BBS9: variants seen among roughly 807,000 people sequenced by gnomAD.
The protein encoded by BBS9 is protein PTHB1.
BBS9 carries 89 observed loss-of-function variants against 117.7 expected under a neutral mutation model. That is an observed-to-expected ratio of 0.76 (90% CI 0.64 to 0.90). The LOEUF (loss-of-function observed/expected upper bound fraction) is 0.90. Ranked by LOEUF, BBS9 falls within the 40% of genes least tolerant of loss-of-function variation. The probability of loss-of-function intolerance (pLI) is 0.00; values close to 1 mark genes in which losing one functional copy is unlikely to be tolerated. For missense variants in BBS9, 982 were observed against 1,042.2 expected (o/e 0.94, Z 0.80); for synonymous variants, 379 against 370.9 (o/e 1.02, Z -0.25).
chr7:33,539,865 G>A (rs542503959), intron 21 of BBS9, among the ~76,000 whole-genome samples: 5 of 152,320 alleles, frequency 3.3e-5, no homozygotes, highest in Admixed American at 6.5e-5. Flanking sequence ...CAGCCAATTC[G>A]TGTTGTATTT....
intron 5 of BBS9, among the ~76,000 whole-genome samples, chr7:33,221,111 T>C (rs1366685655): frequency 6.6e-6 from 1 of 152,238 alleles, no homozygotes; most frequent in Admixed American, 6.5e-5. Context: ...CTGGTGTCAC[T>C]TTCTCTGTGA....
intron 4 of BBS9, among the ~76,000 whole-genome samples, chr7:33,172,542 C>T (rs560687395): frequency 1.9e-4 from 29 of 152,266 alleles, no homozygotes; most frequent in African/African-American, 6.5e-4. Context: ...TGAAGCTATT[C>T]CTATTTTAGC....
intron 15 of BBS9, among the ~76,000 whole-genome samples, chr7:33,354,311 G>C (rs1819238431): frequency 6.6e-6 from 1 of 152,106 alleles, no homozygotes; most frequent in African/African-American, 2.4e-5. Flanking sequence ...TTATTGTCTT[G>C]ATCTGTTCGG....
At chr7:33,457,920 G>A (rs1584902201) in intron 19 of BBS9, among the ~76,000 whole-genome samples, 1 of 152,150 alleles carries the variant, frequency 6.6e-6, no homozygotes, top group Admixed American at 6.6e-5. Context: ...ATAAAAGTCC[G>A]AAGAGGTTAA....
intron 20 of BBS9, among the ~76,000 whole-genome samples, chr7:33,531,631 G>A (rs1029237980): frequency 2.0e-5 from 3 of 152,240 alleles, no homozygotes; most frequent in African/African-American, 7.2e-5. Flanking sequence ...TTCTGGAGGA[G>A]AGGGTACAGA....
chr7:33,460,223 A>T (rs996983752), intron 19 of BBS9, among the ~76,000 whole-genome samples: 1 of 152,112 alleles, frequency 6.6e-6, no homozygotes, highest in Non-Finnish European at 1.5e-5. Context: ...GATTTACGTT[A>T]AACTGATAGT....
intron 11 of BBS9, among the ~76,000 whole-genome samples, chr7:33,342,719 T>C (rs1374458913): frequency 6.6e-6 from 1 of 152,190 alleles, no homozygotes; most frequent in Non-Finnish European, 1.5e-5. Flanking sequence ...CGTCTTCTTA[T>C]AGCCATTTCT....
chr7:33,276,553 T>A (rs1306152037), intron 9 of BBS9, among the ~76,000 whole-genome samples: 1 of 152,084 alleles, frequency 6.6e-6, no homozygotes, highest in African/African-American at 2.4e-5. Flanking sequence ...TGTCAGATCA[T>A]TTACAGGGGG....
chr7:33,614,065 G>T (rs1288742353), intron 21 of BBS9, among the ~76,000 whole-genome samples: 1 of 152,020 alleles, frequency 6.6e-6, no homozygotes, highest in Non-Finnish European at 1.5e-5. Context: ...TGAAAAGCAT[G>T]AAAACAGAAA....
intron 4 of BBS9, among the ~76,000 whole-genome samples, chr7:33,161,169 G>A (rs34062854): frequency 0.018 from 2,696 of 151,636 alleles, 98 homozygotes; most frequent in African/African-American, 0.063. Context: ...CATGTACAAC[G>A]TGCAGGTTTG....
chr7:33,599,910 G>T (rs1241944441), intron 21 of BBS9, among the ~76,000 whole-genome samples: 3 of 152,106 alleles, frequency 2.0e-5, no homozygotes, highest in Non-Finnish European at 4.4e-5. Context: ...CTGCGCTGGT[G>T]GGAGAGAGAG....
intron 21 of BBS9, among the ~76,000 whole-genome samples, chr7:33,584,068 A>C (rs890210217): frequency 1.3e-5 from 2 of 152,030 alleles, no homozygotes; most frequent in Admixed American, 1.3e-4. Flanking sequence ...CAGAGGATAT[A>C]ATTTAATTGG....
At chr7:33,131,985 A>G (rs114607177) in intron 1 of BBS9, among the ~76,000 whole-genome samples, 2,074 of 152,326 alleles carry the variant, frequency 0.014, 58 homozygotes, top group African/African-American at 0.048. Context: ...TAAGGAGATT[A>G]TCTCCCATTT....
intron 19 of BBS9, among the ~76,000 whole-genome samples, chr7:33,392,835 T>A (rs894656901): frequency 6.6e-6 from 1 of 152,146 alleles, no homozygotes; most frequent in African/African-American, 2.4e-5. Flanking sequence ...AGATAATTTA[T>A]CTGAAAATTA....
At chr7:33,429,681 T>G (rs1834158476) in intron 19 of BBS9, among the ~76,000 whole-genome samples, 1 of 152,262 alleles carries the variant, frequency 6.6e-6, no homozygotes, top group South Asian at 2.1e-4. Context: ...TTATTTATTT[T>G]TTTCTGTAGA....
chr7:33,360,377 A>G (rs891116044), intron 16 of BBS9, among the ~76,000 whole-genome samples: 1 of 152,156 alleles, frequency 6.6e-6, no homozygotes, highest in Non-Finnish European at 1.5e-5. Context: ...AAAGGCGTCC[A>G]GTACCCCAAA....
At chr7:33,410,804 A>C (rs1483631036) in intron 19 of BBS9, among the ~76,000 whole-genome samples, 2 of 152,052 alleles carry the variant, frequency 1.3e-5, no homozygotes, top group Non-Finnish European at 2.9e-5. Context: ...AAACATGTTG[A>C]GGTTTATCCC....
intron 5 of BBS9, among the ~76,000 whole-genome samples, chr7:33,246,630 G>A (rs767004915): frequency 4.7e-4 from 72 of 151,856 alleles, no homozygotes; most frequent in Non-Finnish European, 8.8e-4. Context: ...ATGCCTCAAC[G>A]TTATACTCAT....
At chr7:33,373,381 C>T (rs1368832428) in intron 17 of BBS9, among the ~76,000 whole-genome samples, 1 of 152,068 alleles carries the variant, frequency 6.6e-6, no homozygotes, top group African/African-American at 2.4e-5. Flanking sequence ...TGATAATCTG[C>T]AAAGAATGCT....
Sources: gnomAD v4.1 joint callset for allele counts (sites outside exome capture counted in the v4.1 genomes callset) on GRCh38, gnomAD v4.1.1 for gene constraint, MANE v1.5 for transcripts, NCBI Gene and HGNC (gene_info 2026-07-23, HGNC 2026-07-21) for gene names.